Variants in TENM4 observed in about 807,000 individuals in gnomAD.
TENM4 encodes teneurin-4.
A neutral mutation model predicts 243.3 loss-of-function variants in TENM4; 82 were observed. That is an observed-to-expected ratio of 0.34 (90% confidence interval 0.28 to 0.40). TENM4 has a LOEUF of 0.40. Ranked by LOEUF, TENM4 falls within the 10% of genes least tolerant of loss-of-function variation. TENM4 has a pLI of 1.00. For missense variants in TENM4, 3,138 were observed against 3,673.3 expected, an observed-to-expected ratio of 0.85 and a Z score of 3.77; for synonymous variants, 1,412 against 1,456.3, an observed-to-expected ratio of 0.97 and a Z score of 0.69.
At chr11:79,323,882 T>TACAC (rs35628974) in intron 1 of TENM4, among the ~76,000 whole-genome samples, 2,657 of 149,988 alleles carry the variant, frequency 0.018, 73 homozygotes, top group African/African-American at 0.057. Flanking sequence ...TCCATCCCTA[T>TACAC]ACACACACAC....
Position 78,805,443 on chromosome 11 carries a change from G to A in TENM4, c.2028C>T (p.Gly676=), listed in dbSNP as rs747289427. The change falls in exon 15 of 34, where the codon GGC becomes GGT. Residue 676 remains glycine, a synonymous_variant. Transcript: ENST00000278550. ...CCCATCCCACAGAGCAGTGGCATTCGCCTCTCACGCAGACACCCCGGCCTG... is the reference window on the plus strand; with the variant it reads ...CCCATCCCACAGAGCAGTGGCATTCACCTCTCACGCAGACACCCCGGCCTG... ...TCSGRGVCVR[G]ECHCSVGWGG... 4.1e-5 allele frequency: 65 copies of A among 1,597,604 alleles called. No homozygotes were observed. The highest frequency in any genetic ancestry group is 5.3e-5 in the Non-Finnish European group (62 of 1,171,976).
chr11:79,066,571 C>T (rs1303142595), intron 5 of TENM4, among the ~76,000 whole-genome samples: 5 of 152,268 alleles, frequency 3.3e-5, no homozygotes, highest in South Asian at 2.1e-4. Context: ...CAGACGTGCA[C>T]GCGCACACAC....
At chr11:79,121,524 G>A (rs1178889520) in intron 4 of TENM4, among the ~76,000 whole-genome samples, 1 of 152,182 alleles carries the variant, frequency 6.6e-6, no homozygotes, top group Non-Finnish European at 1.5e-5. Context: ...GGACCATGCG[G>A]CGGAGTAGCC....
chr11:79,307,869 G>T (rs183828833), intron 1 of TENM4, among the ~76,000 whole-genome samples: 1 of 152,176 alleles, frequency 6.6e-6, no homozygotes, highest in African/African-American at 2.4e-5. Context: ...GAGCAGCACC[G>T]TGCTCTCCCA....
chr11:79,016,212 A>G (rs541717128), intron 6 of TENM4, among the ~76,000 whole-genome samples: 1 of 152,312 alleles, frequency 6.6e-6, no homozygotes, highest in Non-Finnish European at 1.5e-5. Flanking sequence ...AGTGGCAACA[A>G]GGAGAAATGT....
chr11:79,027,271 C>G (rs142678629), intron 6 of TENM4, among the ~76,000 whole-genome samples: 1 of 152,234 alleles, frequency 6.6e-6, no homozygotes, highest in African/African-American at 2.4e-5. Flanking sequence ...AATTAGAGCC[C>G]AAAGATTCAC....
chr11:79,343,416 G>A (rs116515109), intron 1 of TENM4, among the ~76,000 whole-genome samples: 1 of 152,204 alleles, frequency 6.6e-6, no homozygotes, highest in African/African-American at 2.4e-5. Flanking sequence ...TGGCTCCAGA[G>A]CCTGAGCTTT....
intron 6 of TENM4, among the ~76,000 whole-genome samples, chr11:79,045,169 C>T (rs992851397): frequency 4.6e-5 from 7 of 151,948 alleles, no homozygotes; most frequent in East Asian, 3.9e-4. Context: ...GAGGATATTG[C>T]GTTGGTGAGA....
rs370715129 is a variant in TENM4 at position 78,657,483 on chromosome 11, A to G, written c.*575T>C. The G allele has an allele frequency of 3.2e-4, 103 of 316,988 alleles. No homozygotes were observed. The East Asian group carries it at 4.6e-3, about 14-fold the overall frequency. The allele number at this position is 316,988 out of a possible 1,614,324, so 19.6% of individuals were successfully genotyped here. On this transcript the variant is annotated 3_prime_UTR_variant, in exon 34 of 34. Coordinates refer to ENST00000278550, the MANE Select transcript of TENM4 (RefSeq NM_001098816.3). Reference sequence around the variant, plus strand: ...TCCCTGGAGCAAGATGAAGCCATCTATGATCCTCTGGAGGCAGAGAACAAG... The same window carrying G: ...TCCCTGGAGCAAGATGAAGCCATCTGTGATCCTCTGGAGGCAGAGAACAAG...
intron 1 of TENM4, among the ~76,000 whole-genome samples, chr11:79,411,044 T>C (rs1467216294): frequency 1.3e-5 from 2 of 152,202 alleles, no homozygotes; most frequent in Non-Finnish European, 2.9e-5. Context: ...TAGCTTGTAC[T>C]TTCTGCTTCC....
intron 6 of TENM4, among the ~76,000 whole-genome samples, chr11:79,059,672 G>A (rs1000867908): frequency 6.6e-6 from 1 of 152,182 alleles, no homozygotes; most frequent in African/African-American, 2.4e-5. Context: ...ACATGGTTGT[G>A]CATCCATTAC....
chr11:79,008,652 A>G (rs946526520), intron 6 of TENM4, among the ~76,000 whole-genome samples: 1 of 152,192 alleles, frequency 6.6e-6, no homozygotes, highest in Non-Finnish European at 1.5e-5. Context: ...ACTATTTTCC[A>G]TACTGTGGGA....
At chr11:79,396,359 A>G (rs2135548765) in intron 1 of TENM4, among the ~76,000 whole-genome samples, 1 of 152,302 alleles carries the variant, frequency 6.6e-6, no homozygotes, top group East Asian at 1.9e-4. Flanking sequence ...GTAGCTATAG[A>G]TTGGTTTGCT....
chr11:79,246,528 A>G (rs932269781), intron 2 of TENM4, among the ~76,000 whole-genome samples: 1 of 152,156 alleles, frequency 6.6e-6, no homozygotes, highest in Non-Finnish European at 1.5e-5. Flanking sequence ...AATAACCCAA[A>G]CCCCTCTTAA....
chr11:78,983,593 C>G (rs10751301), intron 6 of TENM4, among the ~76,000 whole-genome samples: 62,969 of 152,152 alleles, frequency 0.41, 14,984 homozygotes, highest in East Asian at 0.76. Context: ...GTGGTACATA[C>G]TGGAGACTAG....
chr11:79,207,227 G>T (rs1590794264), intron 3 of TENM4, among the ~76,000 whole-genome samples: 1 of 152,212 alleles, frequency 6.6e-6, no homozygotes, highest in African/African-American at 2.4e-5. Flanking sequence ...CACATACTGA[G>T]AGAAGAGCTT....
At chr11:78,898,403 C>T (rs1190145323) in intron 7 of TENM4, among the ~76,000 whole-genome samples, 1 of 152,218 alleles carries the variant, frequency 6.6e-6, no homozygotes, top group Non-Finnish European at 1.5e-5. Flanking sequence ...CTGAGTTTGA[C>T]AATCAGGGAA....
intron 3 of TENM4, among the ~76,000 whole-genome samples, chr11:79,167,425 T>C (rs749792853): frequency 3.0e-4 from 45 of 152,186 alleles, no homozygotes; most frequent in Non-Finnish European, 1.3e-4. Flanking sequence ...AGTGCACACT[T>C]ATACATATCA....
intron 26 of TENM4, among the ~76,000 whole-genome samples, chr11:78,708,966 TTTC>T (rs1358015627): frequency 2.1e-5 from 2 of 94,618 alleles, no homozygotes; most frequent in African/African-American, 4.6e-5. Context: ...TTTCTTTTTC[TTTC>T]TTTTTTTTTT....
Sources: gnomAD v4.1 joint callset for allele counts (sites outside exome capture counted in the v4.1 genomes callset) on GRCh38, gnomAD v4.1.1 for gene constraint, MANE v1.5 for transcripts, NCBI Gene and HGNC (gene_info 2026-07-23, HGNC 2026-07-21) for gene names.